The following TCF7L1 variants were observed in gnomAD, a reference collection of about 807,000 sequenced individuals.
The protein encoded by TCF7L1 is transcription factor 7-like 1.
A neutral mutation model predicts 63.7 loss-of-function variants in TCF7L1; 18 were observed. The observed-to-expected ratio is 0.28, with a 90% confidence interval of 0.20 to 0.42. The LOEUF (loss-of-function observed/expected upper bound fraction) is 0.42. Among genes scored for constraint, TCF7L1 ranks in the 10% least tolerant of loss-of-function variants. The pLI, the probability that TCF7L1 is intolerant of heterozygous loss-of-function variation, is 1.00. For synonymous variants in TCF7L1, 355 were observed against 340.9 expected (o/e 1.04, Z -0.46); for missense variants, 654 against 779.3 (o/e 0.84, Z 1.91).
intron 3 of TCF7L1, among the ~76,000 whole-genome samples, chr2:85,243,106 C>T (rs1189269978): frequency 6.6e-6 from 1 of 152,144 alleles, no homozygotes; most frequent in Non-Finnish European, 1.5e-5. Context: ...CCAATTATTC[C>T]GCCCTTAACT....
Position 85,133,634 on chromosome 2 carries a change from C to T in TCF7L1, c.-51C>T, listed in dbSNP as rs1024787551. The T allele has an allele frequency of 2.7e-5, 20 of 750,544 alleles. No homozygotes were observed. Among genetic ancestry groups the T allele is most frequent in the Non-Finnish European group, 2.6e-5 (16 of 617,578 alleles). The allele number at this position is 750,544 out of a possible 1,614,324, so 46.5% of individuals were successfully genotyped here. A position where few individuals can be genotyped will look rare whatever the true frequency, so the allele number is the denominator to read the frequency against. ...GGGCGCCGGGCCGGGCCGGGCAGGG[C>T]GCGGGCGGCTAGGGGCTCCGAGAGC... On this transcript the variant is annotated 5_prime_UTR_variant, in exon 1 of 12. Transcript: ENST00000282111. The surrounding 1 kb of genome is among the most constrained non-coding windows in gnomAD (Gnocchi z 4.4).
Position 85,134,237 on chromosome 2 carries a change from G to T in TCF7L1, c.314-86G>T, listed in dbSNP as rs546764426. 11 of 1,479,588 alleles carry T rather than the reference G, an allele frequency of 7.4e-6. No homozygotes were observed. In the South Asian group the frequency reaches 1.1e-4, roughly 15 times the overall value. 91.7% of individuals were successfully genotyped at this position (1,479,588 alleles called of 1,614,324 possible). A position where few individuals can be genotyped will look rare whatever the true frequency, so the allele number is the denominator to read the frequency against. ...TGGGGCGCGCGTGGGGGGCGCTGGG[G>T]TCCCCAGCTCCCGCCTCGAGCCCCC... On this transcript the variant is annotated intron_variant, in intron 2 of 11. Transcript: ENST00000282111. The surrounding 1 kb of genome is among the most constrained non-coding windows in gnomAD (Gnocchi z 5.0).
chr2:85,139,473 T>C (rs1020557843), intron 3 of TCF7L1, among the ~76,000 whole-genome samples: 3 of 152,214 alleles, frequency 2.0e-5, no homozygotes, highest in South Asian at 2.1e-4. Context: ...ATGGTAGCAC[T>C]GTAATAAGAA....
chr2:85,160,110 A>C lies in TCF7L1; in HGVS notation c.441+25660A>C, dbSNP rs530874929. On this transcript the variant is annotated intron_variant, in intron 3 of 11. Coordinates refer to ENST00000282111, the MANE Select transcript of TCF7L1 (RefSeq NM_031283.3). ...GATTGAGTCTTTGGGTATACAGTTT[A>C]CGAGTTTTAACACATGTACAGATTC... 9.5e-4 allele frequency among the ~76,000 whole-genome samples: 144 copies of C among 152,328 alleles called. 2 individuals carry two copies. The highest frequency in any genetic ancestry group is 1.5e-3 in the South Asian group (7 of 4,820).
intron 3 of TCF7L1, among the ~76,000 whole-genome samples, chr2:85,228,636 C>T (rs568453079): frequency 2.0e-5 from 3 of 152,122 alleles, no homozygotes; most frequent in African/African-American, 7.2e-5. Flanking sequence ...AATTTAGTCA[C>T]AGGAAGCAAG....
chr2:85,144,047 G>A (rs1019136130), intron 3 of TCF7L1, among the ~76,000 whole-genome samples: 2 of 152,182 alleles, frequency 1.3e-5, no homozygotes, highest in Non-Finnish European at 1.5e-5. Context: ...GGAAGAATAC[G>A]CAAACGAATG....
intron 3 of TCF7L1, among the ~76,000 whole-genome samples, chr2:85,231,245 G>T (rs1680069686): frequency 6.6e-6 from 1 of 152,168 alleles, no homozygotes; most frequent in South Asian, 2.1e-4. Flanking sequence ...TCCTCTGTCT[G>T]GCGCTTCCTC....
intron 3 of TCF7L1, among the ~76,000 whole-genome samples, chr2:85,244,634 A>G (rs1680417200): frequency 6.6e-6 from 1 of 152,134 alleles, no homozygotes; most frequent in South Asian, 2.1e-4. Flanking sequence ...TGTTTGGGAC[A>G]TGTTGTATTG....
chr2:85,135,971 G>A lies in TCF7L1; in HGVS notation c.441+1521G>A, dbSNP rs1203536790. ...AACGAGCTGCTGCGGTCTTATTTAGGTTTTCAGTGATTCCCACCAGTGCCC... is the reference window on the plus strand; with the variant it reads ...AACGAGCTGCTGCGGTCTTATTTAGATTTTCAGTGATTCCCACCAGTGCCC... On this transcript the variant is annotated intron_variant, in intron 3 of 11. Transcript: ENST00000282111. 1.3e-5 allele frequency among the ~76,000 whole-genome samples: 2 copies of A among 151,894 alleles called. 1 individual carries two copies.
Position 85,305,352 on chromosome 2 carries a change from C to G in TCF7L1, c.938C>G (p.Pro313Arg). ...ATCCCCCACCCTGCCATCGTCTCCC[C>G]CATCGTCAAGCAGGAACCGGCACCC... The part of the protein sequence containing the change: ...SGIPHPAIVS[P>R]IVKQEPAPPS... The change falls in exon 8 of 12, where the codon CCC (proline) becomes CGC (arginine). Residue 313 changes from proline to arginine, a missense_variant. Physicochemically the swap from Pro to Arg is moderately radical, Grantham distance 103 (BLOSUM62 -2). Around this residue, in one of 3 missense-constraint regions of TCF7L1, gnomAD observed 404 missense variants for 454.8 expected, o/e 0.89. Coordinates refer to ENST00000282111, the MANE Select transcript of TCF7L1 (RefSeq NM_031283.3). 3 of 1,613,954 alleles carry G rather than the reference C, an allele frequency of 1.9e-6. No homozygotes were observed. The highest frequency in any genetic ancestry group is 2.5e-6 in the Non-Finnish European group (3 of 1,179,958).
At position 85,302,540 on chromosome 2, in the gene TCF7L1, C is replaced by T. The variant is rs576892101; in HGVS notation, c.582C>T (p.Leu194=). 5.0e-6 allele frequency: 8 copies of T among 1,614,220 alleles called. No homozygotes were observed. In the South Asian group the frequency reaches 6.6e-5, roughly 13 times the overall value. ...ATCACATGCATCCGCTGACTCCCCT[C>T]ATCACCTACAGCAATGACCACTTCT... ...HPHHMHPLTP[L]ITYSNDHFSP... Residue 194 remains leucine (L), a synonymous_variant, in exon 5 of 12, where the codon CTC becomes CTT. Transcript: ENST00000282111.
intron 3 of TCF7L1, among the ~76,000 whole-genome samples, chr2:85,236,171 C>A (rs927715212): frequency 3.0e-5 from 4 of 132,532 alleles, no homozygotes; most frequent in Non-Finnish European, 6.0e-5. Context: ...CCATCCCCCC[C>A]CCAAAAAAAA....
intron 3 of TCF7L1, among the ~76,000 whole-genome samples, chr2:85,194,326 C>T (rs1355355842): frequency 2.6e-5 from 4 of 152,060 alleles, no homozygotes; most frequent in African/African-American, 4.8e-5. Context: ...GCCAGGAGTT[C>T]GAGACCAGCC....
rs1194626691 is a variant in TCF7L1, at chr2:85,292,262, C to T, written c.525+8684C>T. The stretch of plus-strand genomic sequence containing the variant: ...GTCTCGATCTCCTGACCTCGTGATC[C>T]GCCCGCCTCGGCCTCCCAAAGTGCT... On this transcript the variant is annotated intron_variant, in intron 4 of 11. Coordinates refer to ENST00000282111, the MANE Select transcript of TCF7L1 (RefSeq NM_031283.3). 3.3e-4 allele frequency among the ~76,000 whole-genome samples: 4 copies of T among 12,126 alleles called. 1 individual carries two copies. The highest frequency in any genetic ancestry group is 4.3e-4 in the Non-Finnish European group (4 of 9,220). The allele number at this position is 12,126 out of a possible 152,430, so 8.0% of individuals were successfully genotyped here.
At chr2:85,173,743 C>CT (rs34729115) in intron 3 of TCF7L1, among the ~76,000 whole-genome samples, 40,447 of 150,044 alleles carry the variant, frequency 0.27, 5,556 homozygotes, top group Non-Finnish European at 0.29. Flanking sequence ...AGAATTCATT[C>CT]TTTTTTTTTC....
chr2:85,268,371 T>TG (rs1681060432), intron 3 of TCF7L1, among the ~76,000 whole-genome samples: 1 of 152,128 alleles, frequency 6.6e-6, no homozygotes, highest in Admixed American at 6.5e-5. Context: ...TCTAATTTGG[T>TG]TAATCCTAGA....
chr2:85,263,159 A>G (rs776050086), intron 3 of TCF7L1, among the ~76,000 whole-genome samples: 5 of 152,358 alleles, frequency 3.3e-5, no homozygotes, highest in African/African-American at 4.8e-5. Context: ...GGGGGCATAA[A>G]TAGTGAAACA....
At chr2:85,252,081 C>T (rs926831849) in intron 3 of TCF7L1, among the ~76,000 whole-genome samples, 3 of 152,136 alleles carry the variant, frequency 2.0e-5, no homozygotes, top group Admixed American at 2.0e-4. Flanking sequence ...TCTCAAAACA[C>T]ACACACTCAC....
At chr2:85,142,436 G>A (rs1461126482) in intron 3 of TCF7L1, among the ~76,000 whole-genome samples, 4 of 1,378 alleles carry the variant, frequency 2.9e-3, no homozygotes, top group East Asian at 0.023. Context: ...AAAAAAATGT[G>A]TGTGTGTGTG....
Sources: gnomAD v4.1 joint callset for allele counts (sites outside exome capture counted in the v4.1 genomes callset) on GRCh38, gnomAD v4.1.1 for gene constraint, gnomAD v4.1.1 regional missense constraint, Gnocchi (gnomAD v3.1) non-coding constraint, MANE v1.5 for transcripts, NCBI Gene and HGNC (gene_info 2026-07-23, HGNC 2026-07-21) for gene names.